The following BDP1 variants were observed in gnomAD, a reference collection of about 807,000 sequenced individuals.
The protein encoded by BDP1 is transcription factor TFIIIB component B'' homolog.
A neutral mutation model predicts 266.6 loss-of-function variants in BDP1; 169 were observed. The ratio of observed to expected loss-of-function variants is 0.63; its 90% CI spans 0.56 to 0.72. BDP1 has a LOEUF of 0.72. Ranked by LOEUF, BDP1 falls within the 30% of genes least tolerant of loss-of-function variation. BDP1 has a pLI of 0.00. For synonymous variants in BDP1, 1,090 were observed against 1,022.4 expected (o/e 1.07, Z -1.26); for missense variants, 3,015 against 3,053.8 (o/e 0.99, Z 0.30).
Position 71,510,424 on chromosome 5 carries a change from T to C in BDP1, c.3332T>C (p.Leu1111Pro). 1 of 1,613,780 alleles carries C rather than the reference T, an allele frequency of 6.2e-7. No homozygotes were observed. The highest frequency in any genetic ancestry group is 1.3e-5 in the African/African-American group (1 of 74,890). The change falls in exon 17 of 39, where the codon CTA becomes CCA. Residue 1111 changes from leucine (L) to proline (P), a missense_variant. By Grantham distance (98) the Leu-to-Pro change is moderately conservative. Around this residue, in one of 3 missense-constraint regions of BDP1, gnomAD observed 2,383 missense variants for 2,404.9 expected, o/e 0.99. Transcript: ENST00000358731. ...AATGGCCTAGAGGAGGTTAAGCCTC[T>C]AGGTGAAATGCAAACAGATTTGAAA... is the stretch of plus-strand genomic sequence containing the variant. ...QENGLEEVKP[L>P]GEMQTDLKAT...
At position 71,513,367 on chromosome 5, in the gene BDP1, A is replaced by C; in HGVS notation, c.4430A>C (p.Gln1477Pro). The part of the protein sequence containing the change: ...ETKKMETIVM[Q>P]ENNEQTDTLP... Reference sequence around the variant, plus strand: ...AAGAAAATGGAGACTATTGTGATGCAAGAAAATAATGAACAAACTGATACT... The same window carrying C: ...AAGAAAATGGAGACTATTGTGATGCCAGAAAATAATGAACAAACTGATACT... Residue 1477 changes from glutamine (Q) to proline (P), a missense_variant, in exon 19 of 39, where the codon CAA becomes CCA. By Grantham distance (76) the Gln-to-Pro change is moderately conservative (BLOSUM62 -1). Coordinates refer to ENST00000358731, the MANE Select transcript of BDP1 (RefSeq NM_018429.3). 7.5e-6 allele frequency: 12 copies of C among 1,597,930 alleles called. No individual in the cohort carries two copies. Among genetic ancestry groups the C allele is most frequent in the Non-Finnish European group, 1.0e-5 (12 of 1,172,648 alleles).
chr5:71,569,818 C>T (rs187119087), downstream of BDP1, among the ~76,000 whole-genome samples: 2 of 152,106 alleles, frequency 1.3e-5, no homozygotes, highest in Non-Finnish European at 2.9e-5. Context: ...AAAAAAAAAT[C>T]TGCAGGTGAT....
rs750621447 is a variant in BDP1 at position 71,553,285 on chromosome 5, A to G, written c.7165A>G (p.Thr2389Ala). 2 of 1,613,004 alleles carry G rather than the reference A, an allele frequency of 1.2e-6. No individual in the cohort carries two copies. Among genetic ancestry groups the G allele is most frequent in the South Asian group, 1.1e-5 (1 of 91,032 alleles). Residue 2389 changes from threonine to alanine, a missense_variant, in exon 35 of 39, where the codon ACT (threonine) becomes GCT (alanine). Physicochemically the swap from Thr to Ala is moderately conservative, Grantham distance 58. Coordinates refer to ENST00000358731, the MANE Select transcript of BDP1 (RefSeq NM_018429.3). ...HIPPAKKRSL[T>A]LRDDCQEYTT... ...TCCTCCTGCCAAAAAACGTTCACTC[A>G]CTTTAAGAGATGACTGTCAAGAATA...
intron 22 of BDP1, among the ~76,000 whole-genome samples, chr5:71,521,820 T>C (rs1765510936): frequency 6.6e-6 from 1 of 152,214 alleles, no homozygotes; most frequent in Non-Finnish European, 1.5e-5. Flanking sequence ...GTTAGGAGAA[T>C]AGACTCTACC....
At chr5:71,497,970 TG>T (rs1371079491) in intron 13 of BDP1, among the ~76,000 whole-genome samples, 3 of 152,006 alleles carry the variant, frequency 2.0e-5, no homozygotes, top group African/African-American at 7.2e-5. Flanking sequence ...TTTTTTTTTT[TG>T]AGACGGAGTC....
At chr5:71,576,128 G>A in the BDP1 span, among the ~76,000 whole-genome samples, 72,162 of 151,960 alleles carry the variant, frequency 0.47, 17,387 homozygotes, top group South Asian at 0.55. Flanking sequence ...CCCTGATTCC[G>A]TGTTCTTGGC....
intron 32 of BDP1, among the ~76,000 whole-genome samples, chr5:71,546,673 GT>G (rs1449364142): frequency 6.8e-6 from 1 of 147,856 alleles, no homozygotes; most frequent in Non-Finnish European, 1.5e-5. Context: ...TTGAAAGTAG[GT>G]TGAGTCCATA....
chr5:71,470,334 C>A (rs958068361), intron 6 of BDP1, 61 bp from the exon 7 acceptor site: 1 of 1,245,224 alleles, frequency 8.0e-7, no homozygotes, highest in Non-Finnish European at 1.1e-6. Context: ...TGTAAGATTT[C>A]TTTTCTCTGA....
At chr5:71,576,088 A>G in the BDP1 span, among the ~76,000 whole-genome samples, 4,687 of 152,256 alleles carry the variant, frequency 0.031, 251 homozygotes, top group African/African-American at 0.11. Flanking sequence ...AAGCTGAGAA[A>G]CTACTGGAGT....
chr5:71,455,774 C>T lies in BDP1; in HGVS notation c.-104C>T. On this transcript the variant is annotated 5_prime_UTR_variant, in exon 1 of 39. Transcript: ENST00000358731. ...GCTGCCCCCTGAGCTGGTGGTGTGG[C>T]TTTGTGGGGAGGGCGTAGTTCCTAA... The T allele has an allele frequency of 2.1e-6, 2 of 973,382 alleles. No individual in the cohort carries two copies. The highest frequency in any genetic ancestry group is 1.7e-5 in the South Asian group (1 of 59,776). The allele number at this position is 973,382 out of a possible 1,614,324, so 60.3% of individuals were successfully genotyped here.
chr5:71,509,984 T>C lies in BDP1; in HGVS notation c.2892T>C (p.Ser964=). ...ETDLKATGNE[S]SPREKTPEVT... ...ATTTGAAAGCAACTGGAAATGAGAG[T>C]TCCCCAAGGGAGAAGACACCAGAGG... is the stretch of plus-strand genomic sequence containing the variant. The change falls in exon 17 of 39, where the codon AGT becomes AGC. Residue 964 remains serine (S), a synonymous_variant. Transcript: ENST00000358731. 6.2e-7 allele frequency: 1 copy of C among 1,612,018 alleles called. No individual in the cohort carries two copies. Among genetic ancestry groups the C allele is most frequent in the Non-Finnish European group, 8.5e-7 (1 of 1,179,550 alleles).
intron 6 of BDP1, among the ~76,000 whole-genome samples, chr5:71,469,842 CTT>C (rs35377501): frequency 8.9e-5 from 11 of 123,754 alleles, no homozygotes; most frequent in Admixed American, 1.7e-4. Context: ...GTCTCAAACT[CTT>C]TTTTTTTTTT....
chr5:71,506,756 G>T (rs1456827781), intron 16 of BDP1, among the ~76,000 whole-genome samples: 2 of 94,880 alleles, frequency 2.1e-5, no homozygotes, highest in South Asian at 4.2e-4. Flanking sequence ...TTGTTTGGAG[G>T]TTTATATATA....
At chr5:71,555,531 C>T (rs1437538840) in intron 35 of BDP1, among the ~76,000 whole-genome samples, 1 of 151,782 alleles carries the variant, frequency 6.6e-6, no homozygotes, top group East Asian at 1.9e-4. Flanking sequence ...CCTCCACCTC[C>T]CAGATTCAAG....
intron 25 of BDP1, among the ~76,000 whole-genome samples, chr5:71,530,846 G>A (rs1766201173): frequency 6.6e-6 from 1 of 152,194 alleles, no homozygotes; most frequent in African/African-American, 2.4e-5. Context: ...GGGAAGCCAA[G>A]GTGGGCAGAT....
At chr5:71,513,550 A>G (rs1054641146) in intron 19 of BDP1, 143 bp downstream of exon 19, 2 of 629,078 alleles carry the variant, frequency 3.2e-6, no homozygotes, top group Admixed American at 2.7e-5. Flanking sequence ...CCCATGCTTA[A>G]TGTGCCTCAT....
chr5:71,544,736 C>T (rs543814937), intron 31 of BDP1, among the ~76,000 whole-genome samples: 14 of 151,776 alleles, frequency 9.2e-5, no homozygotes, highest in South Asian at 4.2e-4. Context: ...AAAAATTAGC[C>T]GGGCGTGGTG....
At chr5:71,464,542 A>G (rs1036106740) in intron 4 of BDP1, among the ~76,000 whole-genome samples, 2 of 151,818 alleles carry the variant, frequency 1.3e-5, no homozygotes, top group Non-Finnish European at 2.9e-5. Flanking sequence ...GTAATTTTAA[A>G]ATTTTAATTT....
chr5:71,528,189 T>A (rs1407945352), intron 25 of BDP1, among the ~76,000 whole-genome samples: 1 of 152,204 alleles, frequency 6.6e-6, no homozygotes, highest in Non-Finnish European at 1.5e-5. Flanking sequence ...AGGGCTGTTA[T>A]CATTTTACAT....
Sources: allele counts gnomAD v4.1 joint callset (sites outside exome capture counted in the v4.1 genomes callset), GRCh38; gene constraint gnomAD v4.1.1; regional missense constraint gnomAD v4.1.1; transcripts MANE v1.5; gene names NCBI Gene and HGNC (gene_info 2026-07-23, HGNC 2026-07-21).